FLT3: variants seen among roughly 807,000 people sequenced by gnomAD.
The protein encoded by FLT3 is fms related receptor tyrosine kinase 3.
Under a neutral mutation model 126.6 loss-of-function variants are expected in FLT3, and 46 were observed. That is an observed-to-expected ratio of 0.36 (90% CI 0.29 to 0.46). FLT3 has a LOEUF of 0.46. FLT3 is among the 20% of genes least tolerant of loss of function. The pLI is 1.00. For synonymous variants in FLT3, 404 were observed against 434.4 expected (o/e 0.93, Z 0.87); for missense variants, 1,069 against 1,190.3 (o/e 0.90, Z 1.50).
chr13:28,068,209 C>T (rs1430780541), intron 2 of FLT3: 1 of 152,562 alleles, frequency 6.6e-6, no homozygotes, highest in Non-Finnish European at 1.5e-5. Context: ...GATTGCCTGC[C>T]TATGCTCTCT....
At chr13:28,047,894 T>C (rs1875045511) in intron 9 of FLT3, among the ~76,000 whole-genome samples, 1 of 152,168 alleles carries the variant, frequency 6.6e-6, no homozygotes, top group African/African-American at 2.4e-5. Flanking sequence ...GAGTAATGTT[T>C]TTCTGTTTTT....
chr13:28,064,680 T>A (rs1333214855), intron 2 of FLT3, among the ~76,000 whole-genome samples: 2 of 152,148 alleles, frequency 1.3e-5, no homozygotes, highest in South Asian at 2.1e-4. Flanking sequence ...TTCTCCTCTA[T>A]CAGACTGGCA....
At chr13:28,026,782 G>A (rs1304673919) in intron 17 of FLT3, among the ~76,000 whole-genome samples, 1 of 152,180 alleles carries the variant, frequency 6.6e-6, no homozygotes, top group Non-Finnish European at 1.5e-5. Context: ...CAATACCTGT[G>A]AGGCAACCAG....
At chr13:28,074,752 C>G (rs1036058911) in intron 1 of FLT3, among the ~76,000 whole-genome samples, 3 of 152,144 alleles carry the variant, frequency 2.0e-5, no homozygotes, top group African/African-American at 7.2e-5. Flanking sequence ...GCCATCCCCC[C>G]ACCTTAGCTT....
intron 15 of FLT3, among the ~76,000 whole-genome samples, chr13:28,028,763 CT>C (rs56181669): frequency 5.9e-4 from 83 of 140,064 alleles, no homozygotes; most frequent in African/African-American, 2.1e-3. Flanking sequence ...TCTCCTTTTT[CT>C]TTTTTTTTTT....
At chr13:28,061,800 A>G in intron 3 of FLT3, 67 bp downstream of exon 3, 1 of 1,323,900 alleles carries the variant, frequency 7.6e-7, no homozygotes, top group Admixed American at 1.8e-5. Context: ...AATAAACATG[A>G]ACAGAAACTT....
At chr13:28,077,532 T>C (rs1428332652) in intron 1 of FLT3, among the ~76,000 whole-genome samples, 2 of 152,108 alleles carry the variant, frequency 1.3e-5, no homozygotes, top group Non-Finnish European at 2.9e-5. Context: ...ATGATTCAAT[T>C]ACCTCCCCCT....
At chr13:28,057,207 AG>A in intron 4 of FLT3, 139 bp downstream of exon 4, 1 of 631,024 alleles carries the variant, frequency 1.6e-6, no homozygotes, top group Non-Finnish European at 2.8e-6. Flanking sequence ...GAGGGTTGAC[AG>A]GAATCTAATC....
At chr13:28,098,480 C>T (rs938299554) in intron 1 of FLT3, among the ~76,000 whole-genome samples, 2 of 152,044 alleles carry the variant, frequency 1.3e-5, no homozygotes, top group Non-Finnish European at 1.5e-5. Flanking sequence ...AAAGTATTGG[C>T]AAAGATGTGA....
At chr13:28,026,019 A>T (rs1872766105) in intron 17 of FLT3, among the ~76,000 whole-genome samples, 1 of 152,148 alleles carries the variant, frequency 6.6e-6, no homozygotes, top group Non-Finnish European at 1.5e-5. Context: ...ACCCTTCAGA[A>T]TAAGGGAGAA....
chr13:28,031,295 T>C (rs999208204), intron 15 of FLT3, among the ~76,000 whole-genome samples: 1 of 152,088 alleles, frequency 6.6e-6, no homozygotes, highest in Non-Finnish European at 1.5e-5. Flanking sequence ...AAGGGATAGC[T>C]ACCTTAGCCT....
Position 28,070,485 on chromosome 13 carries a change from C to T in FLT3, c.165+6G>A. 1 of 1,607,198 alleles carries T rather than the reference C, an allele frequency of 6.2e-7. No individual in the cohort carries two copies. Among genetic ancestry groups the T allele is most frequent in the East Asian group, 2.2e-5 (1 of 44,768 alleles). On this transcript the variant is annotated splice_donor_region_variant and intron_variant, in intron 2 of 23. Coordinates refer to ENST00000241453, the MANE Select transcript of FLT3 (RefSeq NM_004119.3). The stretch of plus-strand genomic sequence containing the variant: ...AGCTAAAGGTATAATTTTAATGTTA[C>T]TTTACCATGGGATATGATGATGACT...
intron 5 of FLT3, among the ~76,000 whole-genome samples, chr13:28,052,294 C>T (rs1875576758): frequency 6.6e-6 from 1 of 151,756 alleles, no homozygotes; most frequent in South Asian, 2.1e-4. Flanking sequence ...TGGGGTTTCA[C>T]CATGTTGGCC....
chr13:28,078,846 T>C (rs1030641148), intron 1 of FLT3, among the ~76,000 whole-genome samples: 28 of 151,994 alleles, frequency 1.8e-4, no homozygotes, highest in Non-Finnish European at 4.0e-4. Flanking sequence ...CCCAAGTAGC[T>C]GGGACTAAAG....
At chr13:28,043,261 A>G (rs1874546357) in intron 9 of FLT3, among the ~76,000 whole-genome samples, 1 of 152,186 alleles carries the variant, frequency 6.6e-6, no homozygotes, top group African/African-American at 2.4e-5. Flanking sequence ...CTGTAGAGAT[A>G]GGAAATTATA....
intron 15 of FLT3, 76 bp downstream of exon 15, chr13:28,033,811 G>A: frequency 9.2e-7 from 1 of 1,091,454 alleles, no homozygotes; most frequent in African/African-American, 1.5e-5. Flanking sequence ...GGATGGAAAA[G>A]AGAAGAAGGC....
intron 20 of FLT3, 52 bp downstream of exon 20, chr13:28,018,415 C>A (rs748161685): frequency 6.2e-7 from 1 of 1,601,770 alleles, no homozygotes; most frequent in South Asian, 1.1e-5. Context: ...ACCATGATAA[C>A]GACACAACAC....
chr13:28,016,292 C>T (rs564798462), intron 20 of FLT3, among the ~76,000 whole-genome samples: 12 of 150,902 alleles, frequency 8.0e-5, no homozygotes, highest in Admixed American at 1.3e-4. Flanking sequence ...TTTTTTGAGA[C>T]GGAGTTTCGC....
At chr13:28,024,203 C>T (rs999387352) in intron 18 of FLT3, among the ~76,000 whole-genome samples, 3 of 150,796 alleles carry the variant, frequency 2.0e-5, no homozygotes, top group Non-Finnish European at 4.4e-5. Context: ...GCAATCTCAG[C>T]TCACTGCAAC....
Sources: gnomAD v4.1 joint callset for allele counts (sites outside exome capture counted in the v4.1 genomes callset) on GRCh38, gnomAD v4.1.1 for gene constraint, MANE v1.5 for transcripts, NCBI Gene and HGNC (gene_info 2026-07-23, HGNC 2026-07-21) for gene names.